Variants in FRZB observed in about 807,000 individuals in gnomAD.
The protein encoded by FRZB is frizzled related protein.
FRZB carries 34 observed loss-of-function variants against 32.5 expected under a neutral mutation model. The observed-to-expected ratio is 1.05, with a 90% CI of 0.80 to 1.39. The LOEUF is 1.39. Ranked by LOEUF, FRZB falls within the 40% of genes most tolerant of loss-of-function variation. The pLI is 0.00. For synonymous variants in FRZB, 170 were observed against 159.2 expected (o/e 1.07, Z -0.51); for missense variants, 423 against 424.8 (o/e 1.00, Z 0.04).
intron 4 of FRZB, 93 bp downstream of exon 4, chr2:182,838,316 A>T (rs1398625502): frequency 9.5e-7 from 1 of 1,056,650 alleles, no homozygotes; most frequent in African/African-American, 1.6e-5. Flanking sequence ...ACAGATCCCA[A>T]TGTAAAAATG....
intron 1 of FRZB, among the ~76,000 whole-genome samples, chr2:182,863,630 T>C (rs1196855601): frequency 6.6e-6 from 1 of 152,200 alleles, no homozygotes; most frequent in Non-Finnish European, 1.5e-5. Context: ...TTATATCTAG[T>C]TGGACAGATA....
chr2:182,863,679 G>A (rs973072353), intron 1 of FRZB, among the ~76,000 whole-genome samples: 6 of 130,300 alleles, frequency 4.6e-5, no homozygotes, highest in African/African-American at 1.5e-4. Context: ...ATACCCAGTT[G>A]AATAAGAAAA....
chr2:182,863,137 T>C (rs1182072740), intron 1 of FRZB, among the ~76,000 whole-genome samples: 1 of 152,184 alleles, frequency 6.6e-6, no homozygotes. Flanking sequence ...TAAGAAAACT[T>C]TGAATTACAG....
intron 2 of FRZB, among the ~76,000 whole-genome samples, chr2:182,856,808 A>C (rs532791999): frequency 1.3e-5 from 2 of 152,270 alleles, no homozygotes; most frequent in Non-Finnish European, 2.9e-5. Flanking sequence ...GAGCTTCAAA[A>C]TACATGAAGC....
At chr2:182,839,713 G>A (rs1471444044) in intron 3 of FRZB, among the ~76,000 whole-genome samples, 3 of 151,902 alleles carry the variant, frequency 2.0e-5, no homozygotes, top group Non-Finnish European at 4.4e-5. Flanking sequence ...AAAACACCAA[G>A]AAAGAAGTAA....
intron 3 of FRZB, 68 bp from the exon 4 acceptor site, chr2:182,838,681 C>A: frequency 7.9e-7 from 1 of 1,263,550 alleles, no homozygotes; most frequent in Non-Finnish European, 1.1e-6. Flanking sequence ...CAAAAAAAGC[C>A]AAAGTAGGCT....
At chr2:182,865,090 C>T (rs1695876174) in intron 1 of FRZB, among the ~76,000 whole-genome samples, 1 of 152,128 alleles carries the variant, frequency 6.6e-6, no homozygotes, top group South Asian at 2.1e-4. Flanking sequence ...TTGTGATTGA[C>T]TCCATTAAAT....
chr2:182,864,193 GCTTCCTAT>G (rs1354832937), intron 1 of FRZB, among the ~76,000 whole-genome samples: 2 of 152,182 alleles, frequency 1.3e-5, no homozygotes, highest in Admixed American at 6.5e-5. Flanking sequence ...TAATGAAACT[GCTTCCTAT>G]CCATATTGAC....
chr2:182,849,535 A>C (rs1253225979), intron 2 of FRZB, among the ~76,000 whole-genome samples: 2 of 152,224 alleles, frequency 1.3e-5, no homozygotes, highest in Non-Finnish European at 2.9e-5. Flanking sequence ...TATCATATTA[A>C]ATTTTATTTT....
chr2:182,838,377 T>C (rs1231812309), intron 4 of FRZB, 32 bp downstream of exon 4: 6 of 1,534,994 alleles, frequency 3.9e-6, no homozygotes, highest in Non-Finnish European at 5.4e-6. Context: ...ATAAGCAAAG[T>C]AGTTATTCTG....
chr2:182,843,506 T>C (rs934189433), intron 2 of FRZB, among the ~76,000 whole-genome samples: 1 of 152,210 alleles, frequency 6.6e-6, no homozygotes, highest in Non-Finnish European at 1.5e-5. Context: ...TTTCTTTAAA[T>C]AATGCCCCTG....
intron 2 of FRZB, among the ~76,000 whole-genome samples, chr2:182,856,796 C>G (rs1260805443): frequency 6.6e-6 from 1 of 151,522 alleles, no homozygotes; most frequent in African/African-American, 2.4e-5. Flanking sequence ...ATGTACCAAA[C>G]AGAGCTTCAA....
At chr2:182,842,272 A>G (rs1479111934) in intron 3 of FRZB, among the ~76,000 whole-genome samples, 9 of 152,162 alleles carry the variant, frequency 5.9e-5, no homozygotes, top group African/African-American at 9.7e-5. Context: ...ATGTGCTTCA[A>G]CATCAACCAA....
At chr2:182,837,036 A>T (rs1434865656) in intron 5 of FRZB, among the ~76,000 whole-genome samples, 1 of 152,024 alleles carries the variant, frequency 6.6e-6, no homozygotes, top group Non-Finnish European at 1.5e-5. Flanking sequence ...TCAAACTTGC[A>T]GAAGGAAGAG....
At chr2:182,858,201 A>G (rs73040097) in intron 2 of FRZB, among the ~76,000 whole-genome samples, 6,185 of 152,306 alleles carry the variant, frequency 0.041, 337 homozygotes, top group African/African-American at 0.13. Flanking sequence ...CCTGTACTGG[A>G]ATGTTTATAG....
intron 5 of FRZB, among the ~76,000 whole-genome samples, chr2:182,837,560 T>C: frequency 6.6e-6 from 1 of 152,012 alleles, no homozygotes. Flanking sequence ...AATGTACATG[T>C]GATACTAGAG....
At chr2:182,846,778 T>A (rs1032548635) in intron 2 of FRZB, among the ~76,000 whole-genome samples, 1 of 152,208 alleles carries the variant, frequency 6.6e-6, no homozygotes, top group African/African-American at 2.4e-5. Context: ...GAGCTCTAGA[T>A]CTATATTTCC....
chr2:182,834,672 TGAGAGAA>T lies in FRZB; in HGVS notation c.*170_*176del. 4.9e-6 allele frequency: 3 copies of T among 614,936 alleles called. No individual in the cohort carries two copies. The highest frequency in any genetic ancestry group is 8.8e-6 in the Non-Finnish European group (3 of 339,850). 38.1% of individuals were successfully genotyped at this position (614,936 alleles called of 1,614,324 possible). Reference sequence around the variant, plus strand: ...TGCCCCCAAACCATTACAAAGGGGTTGAGAGAAGAGAGAAGCAGAAACCAAAAGAGAA... The same window carrying T: ...TGCCCCCAAACCATTACAAAGGGGTTGAGAGAAGCAGAAACCAAAAGAGAA... On this transcript the variant is annotated 3_prime_UTR_variant, in exon 6 of 6. Transcript: ENST00000295113.
Position 182,833,611 on chromosome 2 carries a change from G to T in FRZB, c.*1238C>A, listed in dbSNP as rs1695489124. 6.6e-6 allele frequency: 1 copy of T among 152,124 alleles called. No homozygotes were observed. Among genetic ancestry groups the T allele is most frequent in the South Asian group, 2.1e-4 (1 of 4,834 alleles). 9.4% of individuals were successfully genotyped at this position (152,124 alleles called of 1,614,324 possible). A position where few individuals can be genotyped will look rare whatever the true frequency, so the allele number is the denominator to read the frequency against. ...ATAAAAGCATCATTTGTTCACCACA[G>T]CCCCTGGGATCTCACCACAGCTTGG... On this transcript the variant is annotated 3_prime_UTR_variant, in exon 6 of 6. Transcript: ENST00000295113.
Sources: gnomAD v4.1 joint callset for allele counts (sites outside exome capture counted in the v4.1 genomes callset) on GRCh38, gnomAD v4.1.1 for gene constraint, MANE v1.5 for transcripts, NCBI Gene and HGNC (gene_info 2026-07-23, HGNC 2026-07-21) for gene names.